Variants in GDNF observed in about 807,000 individuals in gnomAD.
The protein encoded by GDNF is glial cell derived neurotrophic factor.
GDNF carries 5 observed loss-of-function variants against 13.7 expected under a neutral mutation model. The observed-to-expected ratio is 0.36, with a 90% CI of 0.19 to 0.77. The LOEUF is 0.77. Among genes scored for constraint, GDNF ranks in the 30% least tolerant of loss-of-function variants. The pLI is 0.51. For synonymous variants in GDNF, 122 were observed against 112.5 expected, an observed-to-expected ratio of 1.08 and a Z score of -0.53; for missense variants, 246 against 274.3, an observed-to-expected ratio of 0.90 and a Z score of 0.73.
Position 37,834,672 on chromosome 5 carries a change from C to G in GDNF, c.125G>C (p.Arg42Pro). Residue 42 changes from arginine to proline, a missense_variant, in exon 2 of 3, where the codon CGC becomes CCC. By Grantham distance (103) the Arg-to-Pro change is moderately radical (BLOSUM62 -2). Transcript: ENST00000326524. ...GTCACTGCTCAGCGCGAAGGGCGCG[C>G]GGCGGCGGCCGAGGGAGCGGTCTTC... ...PAEDRSLGRR[R>P]APFALSSDSN... is the part of the protein sequence containing the mutation. 1 of 1,604,514 alleles carries G rather than the reference C, an allele frequency of 6.2e-7. No individual in the cohort carries two copies. Among genetic ancestry groups the G allele is most frequent in the Non-Finnish European group, 8.5e-7 (1 of 1,175,684 alleles).
At chr5:37,830,103 T>G (rs1266478929) in intron 2 of GDNF, among the ~76,000 whole-genome samples, 1 of 152,238 alleles carries the variant, frequency 6.6e-6, no homozygotes, top group Non-Finnish European at 1.5e-5. Flanking sequence ...TTACCCAGCT[T>G]GTTGCACTAG....
rs774150337 is a variant in GDNF, at chr5:37,816,037, C to T, written c.250G>A (p.Ala84Thr). Residue 84 changes from alanine to threonine, a missense_variant, in exon 3 of 3, where the codon GCA (alanine) becomes ACA (threonine). Transcript: ENST00000326524. ...RLKRSPDKQM[A>T]VLPRRERNRQ... The stretch of plus-strand genomic sequence containing the variant: ...TTCCGCTCTCTTCTAGGAAGCACTG[C>T]CATTTGTTTATCTGGTGACCTTTTC... 15 of 1,613,352 alleles carry T rather than the reference C, an allele frequency of 9.3e-6. No homozygotes were observed. The highest frequency in any genetic ancestry group is 1.6e-4 in the Middle Eastern group (1 of 6,082).
rs1369344577 is a variant in GDNF, at chr5:37,839,706, C to A, written c.-226G>T. ...CGGCCAAGACTCCCGCCGCCGCCGC[C>A]GCCAACAGGGCGAGGGCTGCCGGCA... On this transcript the variant is annotated 5_prime_UTR_variant, in exon 1 of 3. Transcript: ENST00000326524. The surrounding 1 kb of genome is among the most constrained non-coding windows in gnomAD (Gnocchi z 5.5). 6.6e-6 allele frequency: 1 copy of A among 152,276 alleles called. No homozygotes were observed. The highest frequency in any genetic ancestry group is 1.5e-5 in the Non-Finnish European group (1 of 68,156). The allele number at this position is 152,276 out of a possible 1,614,324, so 9.4% of individuals were successfully genotyped here.
intron 2 of GDNF, among the ~76,000 whole-genome samples, chr5:37,831,204 A>G (rs570199480): frequency 3.3e-5 from 5 of 152,342 alleles, no homozygotes; most frequent in African/African-American, 1.2e-4. Context: ...CAGTTGCACA[A>G]AAAATTCAGC....
rs542197802 is a variant in GDNF at position 37,834,863 on chromosome 5, T to C, written c.-26-41A>G. 1.9e-5 allele frequency: 30 copies of C among 1,585,322 alleles called. 1 individual carries two copies. In the Admixed American group the frequency reaches 4.2e-4, roughly 22 times the overall value. ...GGAGGTGGGGGAGAGAACCGCAGAA[T>C]GCACGTTAAGCCTGGGCTCCCTGCG... On this transcript the variant is annotated intron_variant, in intron 1 of 2. Transcript: ENST00000326524.
intron 2 of GDNF, among the ~76,000 whole-genome samples, chr5:37,833,629 C>T (rs2111714936): frequency 6.6e-6 from 1 of 151,868 alleles, no homozygotes; most frequent in East Asian, 1.9e-4. Flanking sequence ...TGGTTATGAC[C>T]ATAGTAAGTT....
In GDNF at chr5:37,815,120, C is replaced by T; in HGVS notation, c.*531G>A. 1 of 156,090 alleles carries T rather than the reference C, an allele frequency of 6.4e-6. No homozygotes were observed. The highest frequency in any genetic ancestry group is 6.2e-5 in the Admixed American group (1 of 16,170). The allele number at this position is 156,090 out of a possible 1,614,324, so 9.7% of individuals were successfully genotyped here. On this transcript the variant is annotated 3_prime_UTR_variant, in exon 3 of 3. Transcript: ENST00000326524. This position sits in a 1 kb window ranked among gnomAD's most constrained non-coding sequence, Gnocchi z 5.0. ...TCTCTTGTATCTTTGCTTTTTTTTT[C>T]CCCTCTCCTTTCCAGGGTATGTCTC...
intron 2 of GDNF, among the ~76,000 whole-genome samples, chr5:37,816,687 T>C (rs1376302060): frequency 1.3e-5 from 2 of 152,294 alleles, no homozygotes; most frequent in African/African-American, 4.8e-5. Flanking sequence ...CACTAAACTT[T>C]GAGAGACACC....
rs886060598 is a variant in GDNF at position 37,814,407 on chromosome 5, T to C, written c.*1244A>G. On this transcript the variant is annotated 3_prime_UTR_variant, in exon 3 of 3. Coordinates refer to ENST00000326524, the MANE Select transcript of GDNF (RefSeq NM_000514.4). Reference sequence around the variant, plus strand: ...TGCACGCTGCTCCAGGAAAGGGGGCTTGCCTGAGATGCTCCACAAATAAAA... The same window carrying C: ...TGCACGCTGCTCCAGGAAAGGGGGCCTGCCTGAGATGCTCCACAAATAAAA... 1.3e-5 allele frequency: 2 copies of C among 152,284 alleles called. No individual in the cohort carries two copies. Among genetic ancestry groups the C allele is most frequent in the Non-Finnish European group, 2.9e-5 (2 of 68,030 alleles). The allele number at this position is 152,284 out of a possible 1,614,324, so 9.4% of individuals were successfully genotyped here.
chr5:37,816,116 A>G lies in GDNF; in HGVS notation c.171T>C (p.Tyr57=). 6.2e-7 allele frequency: 1 copy of G among 1,613,760 alleles called. No individual in the cohort carries two copies. Among genetic ancestry groups the G allele is most frequent in the Non-Finnish European group, 8.5e-7 (1 of 1,179,616 alleles). ...CCATGACATCATCGAACTGATCAGG[A>G]TAATCCTCTGGCATATTTGCTGTTC... ...LSSDSNMPED[Y]PDQFDDVMDF... The change falls in exon 3 of 3, where the codon TAT becomes TAC. Residue 57 remains tyrosine, a synonymous_variant. Transcript: ENST00000326524.
At chr5:37,829,525 T>A (rs922053184) in intron 2 of GDNF, among the ~76,000 whole-genome samples, 2 of 152,236 alleles carry the variant, frequency 1.3e-5, no homozygotes, top group Non-Finnish European at 2.9e-5. Flanking sequence ...AAATTTAGCC[T>A]TTTTGAGGCC....
rs1393453548 is a variant in GDNF at position 37,838,468 on chromosome 5, G to C, written c.-27+1039C>G. On this transcript the variant is annotated intron_variant, in intron 1 of 2. Coordinates refer to ENST00000326524, the MANE Select transcript of GDNF (RefSeq NM_000514.4). The surrounding 1 kb of genome is among the most constrained non-coding windows in gnomAD (Gnocchi z 4.1). ...CAAACACTGAGCAAGAGTCGAGCGC[G>C]TTCTAACATCTCCGCAGCAGGGGCC... 1.3e-5 allele frequency among the ~76,000 whole-genome samples: 2 copies of C among 152,226 alleles called. No individual in the cohort carries two copies. Among genetic ancestry groups the C allele is most frequent in the African/African-American group, 4.8e-5 (2 of 41,454 alleles).
intron 2 of GDNF, among the ~76,000 whole-genome samples, chr5:37,819,610 AC>A (rs1750059878): frequency 6.6e-6 from 1 of 151,376 alleles, no homozygotes; most frequent in Non-Finnish European, 1.5e-5. Context: ...CCGCCATCAC[AC>A]CCGGCTAATT....
intron 2 of GDNF, among the ~76,000 whole-genome samples, chr5:37,821,455 G>A (rs920271414): frequency 1.3e-5 from 2 of 151,966 alleles, no homozygotes; most frequent in African/African-American, 4.8e-5. Context: ...AAAAATAATA[G>A]GTCATATCTT....
At chr5:37,816,271 C>T (rs1438853911) in intron 2 of GDNF, 136 bp from the exon 3 acceptor site, 1 of 780,242 alleles carries the variant, frequency 1.3e-6, no homozygotes, top group African/African-American at 1.7e-5. Flanking sequence ...AGCTATAGGA[C>T]CACTGTAATC....
chr5:37,835,184 G>T (rs1163131719), intron 1 of GDNF, among the ~76,000 whole-genome samples: 1 of 151,594 alleles, frequency 6.6e-6, no homozygotes, highest in Non-Finnish European at 1.5e-5. Context: ...CCCATTCCTG[G>T]GGGGCAATCG....
At chr5:37,821,053 G>A (rs1026442627) in intron 2 of GDNF, among the ~76,000 whole-genome samples, 48 of 152,168 alleles carry the variant, frequency 3.2e-4, no homozygotes, top group Admixed American at 7.9e-4. Flanking sequence ...TGCATGTTCC[G>A]ACTAAATGAG....
At chr5:37,833,245 G>C (rs575995366) in intron 2 of GDNF, among the ~76,000 whole-genome samples, 1 of 152,292 alleles carries the variant, frequency 6.6e-6, no homozygotes, top group South Asian at 2.1e-4. Flanking sequence ...TTGAGTGAAT[G>C]AATAGCCAGT....
chr5:37,820,971 T>G (rs1750117894), intron 2 of GDNF, among the ~76,000 whole-genome samples: 1 of 152,138 alleles, frequency 6.6e-6, no homozygotes, highest in Admixed American at 6.5e-5. Context: ...GCTGAAAAAT[T>G]TACATGGATA....
Sources: gnomAD v4.1 joint callset for allele counts (sites outside exome capture counted in the v4.1 genomes callset) on GRCh38, gnomAD v4.1.1 for gene constraint, Gnocchi (gnomAD v3.1) non-coding constraint, MANE v1.5 for transcripts, NCBI Gene and HGNC (gene_info 2026-07-23, HGNC 2026-07-21) for gene names.